Variants in NDST3 observed in about 807,000 individuals in gnomAD.
NDST3 encodes bifunctional heparan sulfate N-deacetylase/N-sulfotransferase 3.
A neutral mutation model predicts 96.1 loss-of-function variants in NDST3; 58 were observed. That is an observed-to-expected ratio of 0.60 (90% confidence interval 0.49 to 0.75). The LOEUF is 0.75. NDST3 is among the 30% of genes least tolerant of loss of function. NDST3 has a pLI of 0.00. For missense variants in NDST3, 788 were observed against 1,034.2 expected (o/e 0.76, Z 3.27); for synonymous variants, 333 against 359.7 (o/e 0.93, Z 0.84).
intron 2 of NDST3, among the ~76,000 whole-genome samples, chr4:118,077,780 G>A (rs1727670407): frequency 6.6e-6 from 1 of 152,216 alleles, no homozygotes; most frequent in Non-Finnish European, 1.5e-5. Flanking sequence ...AGGAGTGGGT[G>A]GAGCCCACCT....
intron 4 of NDST3, among the ~76,000 whole-genome samples, chr4:118,117,596 T>G (rs1336133575): frequency 6.6e-6 from 1 of 152,202 alleles, no homozygotes; most frequent in Non-Finnish European, 1.5e-5. Context: ...ATATTTTTAT[T>G]ATTTCTTTTA....
At chr4:118,249,731 T>TACACACACACACACATACACAC (rs1741541116) in intron 12 of NDST3, among the ~76,000 whole-genome samples, 1 of 145,498 alleles carries the variant, frequency 6.9e-6, no homozygotes, top group Non-Finnish European at 1.5e-5. Context: ...CAGCCCCACA[T>TACACACACACACACATACACAC]ACACACACAC....
intron 4 of NDST3, among the ~76,000 whole-genome samples, chr4:118,116,549 G>T (rs1310474013): frequency 1.3e-5 from 2 of 152,132 alleles, no homozygotes; most frequent in African/African-American, 2.4e-5. Context: ...CAGATATTTG[G>T]AAGTACATAT....
chr4:118,088,278 A>G (rs1728590944), intron 2 of NDST3, among the ~76,000 whole-genome samples: 2 of 152,116 alleles, frequency 1.3e-5, no homozygotes, highest in South Asian at 4.1e-4. Context: ...GTAAAATTTT[A>G]GGGTTATCTT....
chr4:118,034,927 T>G (rs907214643), intron 1 of NDST3, among the ~76,000 whole-genome samples: 1 of 152,178 alleles, frequency 6.6e-6, no homozygotes, highest in African/African-American at 2.4e-5. Context: ...TGACAGAATT[T>G]TGTAAGGAAT....
At chr4:118,106,604 C>G (rs1175618674) in intron 3 of NDST3, among the ~76,000 whole-genome samples, 1 of 152,050 alleles carries the variant, frequency 6.6e-6, no homozygotes, top group Non-Finnish European at 1.5e-5. Flanking sequence ...GTGCATATAT[C>G]AGATAGGGGT....
chr4:118,249,054 A>T (rs950514332), intron 12 of NDST3, among the ~76,000 whole-genome samples: 31 of 152,214 alleles, frequency 2.0e-4, no homozygotes, highest in African/African-American at 7.2e-4. Context: ...AGTTTTTCTC[A>T]GTGAAGCCCA....
intron 6 of NDST3, among the ~76,000 whole-genome samples, chr4:118,160,886 C>T (rs1037944336): frequency 3.3e-5 from 5 of 152,074 alleles, no homozygotes; most frequent in Non-Finnish European, 5.9e-5. Context: ...AGTCATTCTC[C>T]GTCCAGCTTT....
At chr4:118,203,030 T>C (rs1738198734) in intron 6 of NDST3, among the ~76,000 whole-genome samples, 3 of 152,360 alleles carry the variant, frequency 2.0e-5, no homozygotes, top group Middle Eastern at 3.4e-3. Context: ...GAAGGGATGT[T>C]GGATTTCATC....
chr4:118,184,269 ATAT>A (rs1450602074), intron 6 of NDST3, among the ~76,000 whole-genome samples: 2 of 152,102 alleles, frequency 1.3e-5, no homozygotes, highest in African/African-American at 4.8e-5. Flanking sequence ...ATTTGTTCAA[ATAT>A]TATTCTAGGT....
intron 12 of NDST3, among the ~76,000 whole-genome samples, chr4:118,249,962 A>G (rs1741577437): frequency 6.6e-6 from 1 of 152,220 alleles, no homozygotes; most frequent in Non-Finnish European, 1.5e-5. Context: ...CTTGACCCCT[A>G]GGAATCATCA....
At chr4:118,099,553 G>A (rs1475334916) in intron 2 of NDST3, among the ~76,000 whole-genome samples, 1 of 152,066 alleles carries the variant, frequency 6.6e-6, no homozygotes, top group Non-Finnish European at 1.5e-5. Context: ...AATTAAGTTA[G>A]ATAATGCAGT....
At chr4:118,136,328 T>G (rs1175902477) in intron 4 of NDST3, among the ~76,000 whole-genome samples, 2 of 152,226 alleles carry the variant, frequency 1.3e-5, no homozygotes, top group Admixed American at 1.3e-4. Context: ...TTTAAAGTTG[T>G]TAACCTATAA....
chr4:118,230,562 G>T (rs185704669), intron 8 of NDST3, among the ~76,000 whole-genome samples: 1 of 150,572 alleles, frequency 6.6e-6, no homozygotes, highest in Non-Finnish European at 1.5e-5. Flanking sequence ...GCAACAGAGC[G>T]AGACTCCGTT....
At chr4:118,117,139 G>C (rs986852545) in intron 4 of NDST3, among the ~76,000 whole-genome samples, 1 of 152,134 alleles carries the variant, frequency 6.6e-6, no homozygotes, top group African/African-American at 2.4e-5. Flanking sequence ...ATATTATTTA[G>C]TGTTTAATCA....
chr4:118,163,033 A>C (rs1159184892), intron 6 of NDST3, among the ~76,000 whole-genome samples: 2 of 151,924 alleles, frequency 1.3e-5, no homozygotes, highest in Non-Finnish European at 2.9e-5. Context: ...GAGAAATGCA[A>C]ATCAAAACCA....
At chr4:118,100,592 T>A (rs1729683993) in intron 2 of NDST3, among the ~76,000 whole-genome samples, 1 of 152,080 alleles carries the variant, frequency 6.6e-6, no homozygotes, top group Non-Finnish European at 1.5e-5. Context: ...ATATTGAAAG[T>A]GGAAAAAAGA....
At chr4:118,042,877 T>C (rs1309488052) in intron 1 of NDST3, among the ~76,000 whole-genome samples, 1 of 152,216 alleles carries the variant, frequency 6.6e-6, no homozygotes. Flanking sequence ...TCTCTCTTTC[T>C]CTCTGTCTCT....
intron 6 of NDST3, among the ~76,000 whole-genome samples, chr4:118,212,112 A>G (rs1235432290): frequency 6.6e-6 from 1 of 152,220 alleles, no homozygotes; most frequent in Non-Finnish European, 1.5e-5. Flanking sequence ...GAAGAGGGAT[A>G]CAGTTAGTTG....
Sources: allele counts gnomAD v4.1 joint callset (sites outside exome capture counted in the v4.1 genomes callset), GRCh38; gene constraint gnomAD v4.1.1; transcripts MANE v1.5; gene names NCBI Gene and HGNC (gene_info 2026-07-23, HGNC 2026-07-21).